KNTC1: variants seen among roughly 807,000 people sequenced by gnomAD.
KNTC1 encodes the protein kinetochore-associated protein 1.
A neutral mutation model predicts 314.4 loss-of-function variants in KNTC1; 253 were observed. The ratio of observed to expected loss-of-function variants is 0.80; its 90% CI spans 0.73 to 0.89. The LOEUF is 0.89. Among genes scored for constraint, KNTC1 ranks in the 40% least tolerant of loss-of-function variants. KNTC1 has a pLI of 0.00. For missense variants in KNTC1, 2,475 were observed against 2,572.9 expected (o/e 0.96, Z 0.82); for synonymous variants, 901 against 901.4 (o/e 1.00, Z 0.01).
At chr12:122,616,216 C>T (rs565813669) in intron 57 of KNTC1, among the ~76,000 whole-genome samples, 6 of 151,912 alleles carry the variant, frequency 3.9e-5, no homozygotes, top group Middle Eastern at 3.5e-3. Flanking sequence ...TCATAATTAT[C>T]TCCCTAAGGG....
At chr12:122,581,598 G>A (rs1868398671) in intron 33 of KNTC1, among the ~76,000 whole-genome samples, 1 of 151,992 alleles carries the variant, frequency 6.6e-6, no homozygotes, top group African/African-American at 2.4e-5. Flanking sequence ...AGGTTCAAGA[G>A]ATTCTCCTGT....
At chr12:122,555,465 T>C (rs1040573912) in intron 16 of KNTC1, among the ~76,000 whole-genome samples, 2 of 152,100 alleles carry the variant, frequency 1.3e-5, no homozygotes, top group Non-Finnish European at 2.9e-5. Context: ...GGCAGATGAA[T>C]CGCTTGAATC....
intron 47 of KNTC1, 64 bp from the exon 48 acceptor site, chr12:122,602,963 T>A: frequency 6.4e-7 from 1 of 1,558,738 alleles, no homozygotes; most frequent in Non-Finnish European, 8.8e-7. Flanking sequence ...ATTTTTCTGC[T>A]GCTTTCATGT....
intron 59 of KNTC1, among the ~76,000 whole-genome samples, chr12:122,619,655 AC>A: frequency 6.6e-6 from 1 of 151,274 alleles, no homozygotes. Context: ...CTCATGATCC[AC>A]CTGCCTCGGC....
rs1421328931 is a variant in KNTC1 at position 122,579,901 on chromosome 12, T to A, written c.2842-4T>A. The A allele has an allele frequency of 2.5e-6, 4 of 1,599,670 alleles. No individual in the cohort carries two copies. The Admixed American group carries it at 6.7e-5, about 27-fold the overall frequency. On this transcript the variant is annotated splice_region_variant and splice_polypyrimidine_tract_variant and intron_variant, in intron 31 of 63. Transcript: ENST00000333479. The stretch of plus-strand genomic sequence containing the variant: ...TTTATTTCGCTTTATTTATTTATTT[T>A]TAGGGCAAGGCCTGGAGAATGTCTG...
intron 24 of KNTC1, among the ~76,000 whole-genome samples, chr12:122,571,559 A>G (rs1479813664): frequency 6.6e-6 from 1 of 151,966 alleles, no homozygotes; most frequent in Non-Finnish European, 1.5e-5. Context: ...GGGTTTTGCC[A>G]TGTTGCCCAG....
chr12:122,541,970 G>A (rs566868540), intron 5 of KNTC1, 80 bp from the exon 6 acceptor site: 37 of 1,359,716 alleles, frequency 2.7e-5, no homozygotes, highest in Admixed American at 6.2e-5. Flanking sequence ...AGCCGAGATC[G>A]CGCTGCTGCA....
chr12:122,537,528 C>T (rs183234679), intron 3 of KNTC1, among the ~76,000 whole-genome samples: 2 of 151,948 alleles, frequency 1.3e-5, no homozygotes, highest in East Asian at 3.9e-4. Flanking sequence ...AAGCGATTCT[C>T]CTGTCTCAGC....
rs373995140 is a variant in KNTC1, at chr12:122,622,618, TA to T, written c.6515+24del. On this transcript the variant is annotated intron_variant, in intron 62 of 63. Transcript: ENST00000333479. ...GGCAAATGACTTAAGGTAAGTTAAT[TA>T]AAAAAAAAAAAACTTACTGTGGAAT... 33,246 of 1,178,522 alleles carry T rather than the reference TA, an allele frequency of 0.028. 154 individuals carry two copies. Among genetic ancestry groups the T allele is most frequent in the African/African-American group, 0.098 (6,092 of 62,462 alleles). 73.0% of individuals were successfully genotyped at this position (1,178,522 alleles called of 1,614,324 possible).
chr12:122,565,946 T>G (rs1326642218), intron 20 of KNTC1, among the ~76,000 whole-genome samples: 4 of 148,342 alleles, frequency 2.7e-5, no homozygotes, highest in Non-Finnish European at 4.4e-5. Context: ...CTTTCTACGT[T>G]TCAATCTTTT....
chr12:122,547,454 G>A lies in KNTC1; in HGVS notation c.856G>A (p.Val286Ile). The change falls in exon 11 of 64, where the codon GTA becomes ATA. Residue 286 changes from valine (V) to isoleucine (I), a missense_variant. Transcript: ENST00000333479. ...SLWDIYTLTPVWNWPSLHVEE... is the reference protein window; with the variant it reads ...SLWDIYTLTPIWNWPSLHVEE... The stretch of plus-strand genomic sequence containing the variant: ...ATGGGATATTTACACTCTAACTCCT[G>A]TATGGAACTGGCCCTCTCTTCACGT... 6.2e-7 allele frequency: 1 copy of A among 1,613,056 alleles called. No homozygotes were observed. The highest frequency in any genetic ancestry group is 8.5e-7 in the Non-Finnish European group (1 of 1,179,182).
Position 122,622,850 on chromosome 12 carries a change from A to G in KNTC1, c.6515+243A>G, listed in dbSNP as rs568186517. 2.0e-5 allele frequency among the ~76,000 whole-genome samples: 3 copies of G among 152,192 alleles called. 1 individual carries two copies. The South Asian group carries it at 6.2e-4, about 32-fold the overall frequency. ...GTAATCCCAGCTACTAGGGAGGATA[A>G]GGCAGGAGAATCTCTTCAACCCGGG... On this transcript the variant is annotated intron_variant, in intron 62 of 63. Transcript: ENST00000333479.
rs573401633 is a variant in KNTC1 at position 122,533,538 on chromosome 12, A to G, written c.130-1126A>G. Among the ~76,000 whole-genome samples, 8 of 152,186 alleles carry G rather than the reference A, an allele frequency of 5.3e-5. No individual in the cohort carries two copies. In the South Asian group the frequency reaches 1.5e-3, roughly 28 times the overall value. On this transcript the variant is annotated intron_variant, in intron 2 of 63. Coordinates refer to ENST00000333479, the MANE Select transcript of KNTC1 (RefSeq NM_014708.6). Reference sequence around the variant, plus strand: ...AGTGAAAACCCCGTCTCTATAAAAGAAAAAGAAAATTAGCCAGGTGTGATG... The same window carrying G: ...AGTGAAAACCCCGTCTCTATAAAAGGAAAAGAAAATTAGCCAGGTGTGATG...
At position 122,605,147 on chromosome 12, in the gene KNTC1, T is replaced by C. The variant is rs527893653; in HGVS notation, c.5386+60T>C. 4.3e-6 allele frequency: 6 copies of C among 1,397,826 alleles called. No homozygotes were observed. In the Admixed American group the frequency reaches 6.0e-5, roughly 14 times the overall value. The allele number at this position is 1,397,826 out of a possible 1,614,324, so 86.6% of individuals were successfully genotyped here. A position where few individuals can be genotyped will look rare whatever the true frequency, so the allele number is the denominator to read the frequency against. On this transcript the variant is annotated intron_variant, in intron 50 of 63. Transcript: ENST00000333479. ...AAGCTATTATTTTGATTCTCAGTTTTATGTATATATGTACGTGTACATATA... is the reference window on the plus strand; with the variant it reads ...AAGCTATTATTTTGATTCTCAGTTTCATGTATATATGTACGTGTACATATA...
rs770333694 is a variant in KNTC1 at position 122,574,312 on chromosome 12, AC to A, written c.2315del (p.Thr772AsnfsTer15). 1 of 1,610,488 alleles carries A rather than the reference AC, an allele frequency of 6.2e-7. No homozygotes were observed. The highest frequency in any genetic ancestry group is 8.5e-7 in the Non-Finnish European group (1 of 1,177,368). On this transcript the variant is annotated frameshift_variant, in exon 27 of 64. Transcript: ENST00000333479. LOFTEE classifies it high-confidence loss of function. ...DLLNRCSSKS[T>X]SLFETAWEAK... is the part of the protein sequence containing the mutation. Reference sequence around the variant, plus strand: ...ACTGAATAGATGCAGCTCAAAGTCCACATCACTCTTTGAAACAGCATGGGAA... The same window carrying A: ...ACTGAATAGATGCAGCTCAAAGTCCAATCACTCTTTGAAACAGCATGGGAA...
intron 19 of KNTC1, among the ~76,000 whole-genome samples, chr12:122,562,360 T>G (rs1384562920): frequency 6.6e-6 from 1 of 152,068 alleles, no homozygotes; most frequent in African/African-American, 2.4e-5. Flanking sequence ...AAAAAACTGA[T>G]TTTAAAGAGT....
At position 122,546,283 on chromosome 12, in the gene KNTC1, A is replaced by G. The variant is rs1465081571; in HGVS notation, c.763+14A>G. 5.7e-6 allele frequency: 8 copies of G among 1,408,334 alleles called. No individual in the cohort carries two copies. The highest frequency in any genetic ancestry group is 8.0e-6 in the Non-Finnish European group (8 of 996,102). The allele number at this position is 1,408,334 out of a possible 1,614,324, so 87.2% of individuals were successfully genotyped here. ...AGATTATTAAAGGTAAAATAAGTTA[A>G]TGAAACTACTTTAGACAATTATTAG... On this transcript the variant is annotated intron_variant, in intron 9 of 63. Coordinates refer to ENST00000333479, the MANE Select transcript of KNTC1 (RefSeq NM_014708.6).
intron 42 of KNTC1, 103 bp from the exon 43 acceptor site, chr12:122,594,173 T>C: frequency 1.5e-6 from 1 of 681,064 alleles, no homozygotes; most frequent in Admixed American, 2.6e-5. Flanking sequence ...AATGTTTCTT[T>C]TTGAAAAAGG....
chr12:122,564,150 G>A, intron 20 of KNTC1, among the ~76,000 whole-genome samples: 1 of 151,898 alleles, frequency 6.6e-6, no homozygotes, highest in East Asian at 1.9e-4. Context: ...GCTAATTTTT[G>A]TATTTTTAGT....
Sources: allele counts gnomAD v4.1 joint callset (sites outside exome capture counted in the v4.1 genomes callset), GRCh38; gene constraint gnomAD v4.1.1; transcripts MANE v1.5; gene names NCBI Gene and HGNC (gene_info 2026-07-23, HGNC 2026-07-21).